POLR2D: variants seen among roughly 807,000 people sequenced by gnomAD.
The protein encoded by POLR2D is RNA polymerase II subunit D, also known as DNA-directed RNA polymerase II subunit RPB4.
Under a neutral mutation model 17.6 loss-of-function variants are expected in POLR2D, and 10 were observed. That is an observed-to-expected ratio of 0.57 (90% CI 0.35 to 0.96). The LOEUF (loss-of-function observed/expected upper bound fraction) is 0.96, where lower values mean the gene tolerates loss of function less well. POLR2D is among the 40% of genes least tolerant of loss of function. The probability of loss-of-function intolerance (pLI) is 0.02; values close to 1 mark genes in which losing one functional copy is unlikely to be tolerated. For missense variants in POLR2D, 126 were observed against 176.4 expected (o/e 0.71, Z 1.62); for synonymous variants, 52 against 60.2 (o/e 0.86, Z 0.63).
intron 2 of POLR2D, among the ~76,000 whole-genome samples, chr2:127,851,064 C>T (rs1330773653): frequency 1.3e-5 from 2 of 151,890 alleles, no homozygotes; most frequent in African/African-American, 4.8e-5. Context: ...CTACTAAAAA[C>T]ACAAAAATTA....
Position 127,850,705 on chromosome 2 carries a change from AAAAAT to A in POLR2D, c.255-25_255-21del. On this transcript the variant is annotated intron_variant, in intron 2 of 3. Coordinates refer to ENST00000272645, the MANE Select transcript of POLR2D (RefSeq NM_004805.4). ...AGCAAGCTAATCAAAAGGAAAAAAA[AAAAAT>A]CAAAATAATCAAAAACAAATAAACA... 1.7e-6 allele frequency: 2 copies of A among 1,162,212 alleles called. No homozygotes were observed. Among genetic ancestry groups the A allele is most frequent in the African/African-American group, 3.1e-5 (2 of 64,088 alleles). 72.0% of individuals were successfully genotyped at this position (1,162,212 alleles called of 1,614,324 possible). A position where few individuals can be genotyped will look rare whatever the true frequency, so the allele number is the denominator to read the frequency against.
At position 127,858,117 on chromosome 2, in the gene POLR2D, G is replaced by A; in HGVS notation, c.-17C>T. The A allele has an allele frequency of 3.4e-6, 5 of 1,473,032 alleles. No individual in the cohort carries two copies. Among genetic ancestry groups the A allele is most frequent in the East Asian group, 5.8e-5 (2 of 34,190 alleles). 91.2% of individuals were successfully genotyped at this position (1,473,032 alleles called of 1,614,324 possible). A position where few individuals can be genotyped will look rare whatever the true frequency, so the allele number is the denominator to read the frequency against. ...CGCCGCCATCGCCGCGCCGCGCCGC[G>A]CGCCACCACCAGCGCCGCCGGAAGC... On this transcript the variant is annotated 5_prime_UTR_variant, in exon 1 of 4. Transcript: ENST00000272645.
Position 127,845,849 on chromosome 2 carries a change from T to A in POLR2D, c.*2258A>T, listed in dbSNP as rs1019981630. ...TACTATATATCAGACACCTCTAGGC[T>A]CTTTGTAATAATTTCCTGTTCATTC... On this transcript the variant is annotated 3_prime_UTR_variant, in exon 4 of 4. Transcript: ENST00000272645. The A allele has an allele frequency of 6.6e-6, 1 of 152,206 alleles. No individual in the cohort carries two copies. The highest frequency in any genetic ancestry group is 2.4e-5 in the African/African-American group (1 of 41,450). 9.4% of individuals were successfully genotyped at this position (152,206 alleles called of 1,614,324 possible).
chr2:127,857,853 G>T, intron 1 of POLR2D, 175 bp downstream of exon 1: 1 of 1,323,002 alleles, frequency 7.6e-7, no homozygotes, highest in Non-Finnish European at 9.6e-7. Context: ...TGCCCAGGCG[G>T]TCCCTCCCAA....
rs1690111331 is a variant in POLR2D, at chr2:127,844,107, C to CAGAAAAAAAAA, written c.*3999_*4000insTTTTTTTTTCT. On this transcript the variant is annotated 3_prime_UTR_variant, in exon 4 of 4. Transcript: ENST00000272645. ...CGACAGAGCAAGATCCTGCTGTATC[C>CAGAAAAAAAAA]AAAAAAAAAAAAAAAAAAAGCCTGG... The CAGAAAAAAAAA allele has an allele frequency of 1.4e-5, 1 of 69,478 alleles. No individual in the cohort carries two copies. Among genetic ancestry groups the CAGAAAAAAAAA allele is most frequent in the Non-Finnish European group, 2.6e-5 (1 of 38,374 alleles). 4.3% of individuals were successfully genotyped at this position (69,478 alleles called of 1,614,324 possible).
Position 127,844,357 on chromosome 2 carries a change from A to G in POLR2D, c.*3750T>C, listed in dbSNP as rs1032010329. 3 of 152,180 alleles carry G rather than the reference A, an allele frequency of 2.0e-5. No homozygotes were observed. Among genetic ancestry groups the G allele is most frequent in the Non-Finnish European group, 2.9e-5 (2 of 68,032 alleles). The allele number at this position is 152,180 out of a possible 1,614,324, so 9.4% of individuals were successfully genotyped here. The stretch of plus-strand genomic sequence containing the variant: ...AGCGCAGGAACAAACTAAGACACTA[A>G]AACTTTCAGAAAGACTTATCTGGTT... On this transcript the variant is annotated 3_prime_UTR_variant, in exon 4 of 4. Transcript: ENST00000272645.
At position 127,846,368 on chromosome 2, in the gene POLR2D, A is replaced by ATACAGAGTCATAGTGCACATAGTACAC. The variant is rs1690156556; in HGVS notation, c.*1738_*1739insGTGTACTATGTGCACTATGACTCTGTA. On this transcript the variant is annotated 3_prime_UTR_variant, in exon 4 of 4. Coordinates refer to ENST00000272645, the MANE Select transcript of POLR2D (RefSeq NM_004805.4). ...TCTTTCTCCTTTTTCCTTGGATCAC[A>ATACAGAGTCATAGTGCACATAGTACAC]AGTTCATACAGAGTCAAGCAAGTGC... The ATACAGAGTCATAGTGCACATAGTACAC allele has an allele frequency of 6.6e-6, 1 of 152,182 alleles. No individual in the cohort carries two copies. The highest frequency in any genetic ancestry group is 2.4e-5 in the African/African-American group (1 of 41,438). The allele number at this position is 152,182 out of a possible 1,614,324, so 9.4% of individuals were successfully genotyped here. A position where few individuals can be genotyped will look rare whatever the true frequency, so the allele number is the denominator to read the frequency against.
intron 2 of POLR2D, 25 bp from the exon 3 acceptor site, chr2:127,850,710 T>C (rs1690238499): frequency 9.3e-7 from 1 of 1,080,256 alleles, no homozygotes; most frequent in Non-Finnish European, 1.4e-6. Context: ...AAAAAAAAAA[T>C]CAAAATAATC....
chr2:127,855,703 G>C (rs1264649052), intron 1 of POLR2D, among the ~76,000 whole-genome samples: 7 of 152,210 alleles, frequency 4.6e-5, no homozygotes, highest in African/African-American at 9.6e-5. Context: ...AGGCAGTTCA[G>C]ACACTTTTGT....
chr2:127,849,468 A>T (rs1162007765), intron 3 of POLR2D, among the ~76,000 whole-genome samples: 3 of 152,182 alleles, frequency 2.0e-5, no homozygotes, highest in Non-Finnish European at 4.4e-5. Context: ...CATTTAAAAA[A>T]AATTTGTTTT....
chr2:127,847,822 G>T lies in POLR2D; in HGVS notation c.*285C>A. On this transcript the variant is annotated 3_prime_UTR_variant, in exon 4 of 4. Transcript: ENST00000272645. ...TGTGGAGGCCAAAAACCAGGAATGAGGTAGTCAACAGTGTGGTTATGTGAC... is the reference window on the plus strand; with the variant it reads ...TGTGGAGGCCAAAAACCAGGAATGATGTAGTCAACAGTGTGGTTATGTGAC... 1 of 406,590 alleles carries T rather than the reference G, an allele frequency of 2.5e-6. No individual in the cohort carries two copies. The allele number at this position is 406,590 out of a possible 1,614,324, so 25.2% of individuals were successfully genotyped here. A position where few individuals can be genotyped will look rare whatever the true frequency, so the allele number is the denominator to read the frequency against.
In POLR2D at chr2:127,845,372, ACTTT is replaced by A. The variant is rs1464729157; in HGVS notation, c.*2731_*2734del. ...ACTGTAGATTTGGGTAAGCAATTTC[ACTTT>A]TTTTTTTTTTTTTTTTTTGAGACAG... is the stretch of plus-strand genomic sequence containing the variant. On this transcript the variant is annotated 3_prime_UTR_variant, in exon 4 of 4. Coordinates refer to ENST00000272645, the MANE Select transcript of POLR2D (RefSeq NM_004805.4). 2.0e-5 allele frequency: 2 copies of A among 97,844 alleles called. No homozygotes were observed. Among genetic ancestry groups the A allele is most frequent in the Non-Finnish European group, 3.8e-5 (2 of 52,248 alleles). 6.1% of individuals were successfully genotyped at this position (97,844 alleles called of 1,614,324 possible).
rs61249327 is a variant in POLR2D, at chr2:127,856,290, C to CAAAAAAAAAAAAA, written c.73+1725_73+1737dup. Among the ~76,000 whole-genome samples the CAAAAAAAAAAAAA allele has an allele frequency of 5.2e-3, 133 of 25,400 alleles. 32 individuals are homozygous for CAAAAAAAAAAAAA. The highest frequency in any genetic ancestry group is 7.5e-3 in the Non-Finnish European group (107 of 14,300). The allele number at this position is 25,400 out of a possible 152,430, so 16.7% of individuals were successfully genotyped here. The stretch of plus-strand genomic sequence containing the variant: ...TAGGTAGCAGAATGAGATCCCGTCT[C>CAAAAAAAAAAAAA]AAAAAAAAAAAAAAAAAAAGGCAGG... On this transcript the variant is annotated intron_variant, in intron 1 of 3. Coordinates refer to ENST00000272645, the MANE Select transcript of POLR2D (RefSeq NM_004805.4).
chr2:127,849,083 T>C (rs745993504), intron 3 of POLR2D, among the ~76,000 whole-genome samples: 1 of 150,716 alleles, frequency 6.6e-6, no homozygotes, highest in Admixed American at 6.6e-5. Flanking sequence ...TGTCGCTCTA[T>C]TGCCAAACTG....
rs186393054 is a variant in POLR2D at position 127,854,105 on chromosome 2, T to A, written c.74-1000A>T. ...AGGGCCAAGTGTCTGGAAATAAATA[T>A]AATGTACCCCAAAATCTATTTTTGT... is the stretch of plus-strand genomic sequence containing the variant. On this transcript the variant is annotated intron_variant, in intron 1 of 3. Transcript: ENST00000272645. Among the ~76,000 whole-genome samples the A allele has an allele frequency of 3.3e-5, 5 of 152,320 alleles. No homozygotes were observed. The East Asian group carries it at 7.7e-4, about 23-fold the overall frequency.
At chr2:127,857,974 C>A in intron 1 of POLR2D, 54 bp downstream of exon 1, 2 of 1,561,480 alleles carry the variant, frequency 1.3e-6, no homozygotes, top group Non-Finnish European at 8.6e-7. Context: ...TAACGCCAGG[C>A]CTGCGGCGAC....
At chr2:127,857,910 G>C in intron 1 of POLR2D, 118 bp downstream of exon 1, 3 of 1,426,510 alleles carry the variant, frequency 2.1e-6, no homozygotes, top group Non-Finnish European at 2.8e-6. Flanking sequence ...GCCCCACGCC[G>C]CGCTGGGGCT....
chr2:127,844,103 T>C lies in POLR2D; in HGVS notation c.*4004A>G, dbSNP rs1423812999. 4.8e-5 allele frequency: 2 copies of C among 41,828 alleles called. No individual in the cohort carries two copies. Among genetic ancestry groups the C allele is most frequent in the African/African-American group, 2.7e-4 (2 of 7,310 alleles). The allele number at this position is 41,828 out of a possible 1,614,324, so 2.6% of individuals were successfully genotyped here. The stretch of plus-strand genomic sequence containing the variant: ...TGGGCGACAGAGCAAGATCCTGCTG[T>C]ATCCAAAAAAAAAAAAAAAAAAAGC... On this transcript the variant is annotated 3_prime_UTR_variant, in exon 4 of 4. Coordinates refer to ENST00000272645, the MANE Select transcript of POLR2D (RefSeq NM_004805.4).
chr2:127,849,963 C>T (rs1264038521), intron 3 of POLR2D, among the ~76,000 whole-genome samples: 1 of 152,182 alleles, frequency 6.6e-6, no homozygotes, highest in African/African-American at 2.4e-5. Context: ...AGGATATGTA[C>T]CAGGAATGGA....
Sources: allele counts gnomAD v4.1 joint callset (sites outside exome capture counted in the v4.1 genomes callset), GRCh38; gene constraint gnomAD v4.1.1; transcripts MANE v1.5; gene names NCBI Gene and HGNC (gene_info 2026-07-23, HGNC 2026-07-21).